AXDND1: variants seen among roughly 807,000 people sequenced by gnomAD.
AXDND1 encodes axonemal dynein light chain domain-containing protein 1.
Under a neutral mutation model 137.5 loss-of-function variants are expected in AXDND1, and 110 were observed. The ratio of observed to expected loss-of-function variants is 0.80; its 90% confidence interval spans 0.69 to 0.94. AXDND1 has a LOEUF of 0.94. AXDND1 is among the 40% of genes least tolerant of loss of function. AXDND1 has a pLI of 0.00. For missense variants in AXDND1, 1,191 were observed against 1,169.8 expected, an observed-to-expected ratio of 1.02 and a Z score of -0.26; for synonymous variants, 414 against 399.7, an observed-to-expected ratio of 1.04 and a Z score of -0.43.
chr1:179,541,484 T>TG (rs35516684), intron 25 of AXDND1, among the ~76,000 whole-genome samples: 15,539 of 151,614 alleles, frequency 0.1, 1,120 homozygotes, highest in East Asian at 0.35. Context: ...TTTTTGTTTT[T>TG]TTTTTTTTTT....
intron 16 of AXDND1, chr1:179,447,516 G>T (rs183992038): frequency 5.2e-6 from 3 of 576,512 alleles, no homozygotes; most frequent in Non-Finnish European, 8.7e-6. Flanking sequence ...TACAGTTGGC[G>T]CAGAAAATTC....
chr1:179,385,442 C>A, intron 9 of AXDND1, 83 bp downstream of exon 9: 2 of 1,476,582 alleles, frequency 1.4e-6, no homozygotes, highest in Non-Finnish European at 1.9e-6. Context: ...GAGAATGCCA[C>A]AAAAGTGCAC....
intron 21 of AXDND1, among the ~76,000 whole-genome samples, chr1:179,512,297 C>G (rs1669131757): frequency 1.3e-5 from 2 of 152,156 alleles, no homozygotes; most frequent in South Asian, 4.1e-4. Flanking sequence ...CCAATTATCC[C>G]AGCACCATTT....
chr1:179,460,397 A>G (rs1183318952), intron 16 of AXDND1, among the ~76,000 whole-genome samples: 1 of 152,202 alleles, frequency 6.6e-6, no homozygotes, highest in Non-Finnish European at 1.5e-5. Flanking sequence ...GCTGGGCTGC[A>G]TAGTATTCCA....
chr1:179,510,139 C>T (rs1357126475), intron 21 of AXDND1, among the ~76,000 whole-genome samples: 1 of 152,170 alleles, frequency 6.6e-6, no homozygotes, highest in Non-Finnish European at 1.5e-5. Context: ...TTTTCTGCCT[C>T]TTAAATGTTG....
intron 25 of AXDND1, among the ~76,000 whole-genome samples, chr1:179,539,210 A>G (rs1014768033): frequency 6.6e-6 from 1 of 152,072 alleles, no homozygotes; most frequent in Non-Finnish European, 1.5e-5. Flanking sequence ...ATATTGTTAT[A>G]TGTGAATTTG....
rs145695524 is a variant in AXDND1, at chr1:179,484,433, G to A, written c.2091+1212G>A. Among the ~76,000 whole-genome samples the A allele has an allele frequency of 1.7e-3, 265 of 152,242 alleles. 2 individuals carry two copies. Among genetic ancestry groups the A allele is most frequent in the African/African-American group, 6.3e-3 (262 of 41,548 alleles). On this transcript the variant is annotated intron_variant, in intron 18 of 25. Transcript: ENST00000367618. ...CCCTAAGACAGGGCCAGTTTCACCTGAGCACCCCCCTGTCTTGTGGACTCT... is the reference window on the plus strand; with the variant it reads ...CCCTAAGACAGGGCCAGTTTCACCTAAGCACCCCCCTGTCTTGTGGACTCT...
chr1:179,522,220 T>C (rs978910259), intron 21 of AXDND1, among the ~76,000 whole-genome samples: 1 of 152,198 alleles, frequency 6.6e-6, no homozygotes, highest in African/African-American at 2.4e-5. Flanking sequence ...TTTTTCTGGC[T>C]TACTATCCAG....
chr1:179,534,560 G>A (rs1474749937), intron 24 of AXDND1, 170 bp from the exon 25 acceptor site: 2 of 678,876 alleles, frequency 2.9e-6, no homozygotes, highest in Non-Finnish European at 4.5e-6. Context: ...AGCATTCAGA[G>A]TCGCTCCTGG....
chr1:179,427,501 TC>T (rs1459552741), intron 12 of AXDND1, among the ~76,000 whole-genome samples: 2 of 152,152 alleles, frequency 1.3e-5, no homozygotes, highest in South Asian at 2.1e-4. Context: ...GAGACAAAGT[TC>T]CTGCCCATAA....
rs543533806 is a variant in AXDND1 at position 179,454,715 on chromosome 1, A to G, written c.1798+9511A>G. On this transcript the variant is annotated intron_variant, in intron 16 of 25. Transcript: ENST00000367618. ...GGAGATTGTGTATTTAGTATTAGAC[A>G]TACTGACTTTCGAGTAGCTATGGCA... The G allele has an allele frequency of 3.9e-5, 6 of 152,342 alleles. No individual in the cohort carries two copies. The East Asian group carries it at 1.2e-3, about 29-fold the overall frequency. 9.4% of individuals were successfully genotyped at this position (152,342 alleles called of 1,614,324 possible). A position where few individuals can be genotyped will look rare whatever the true frequency, so the allele number is the denominator to read the frequency against.
At chr1:179,392,434 A>G (rs1317064046) in intron 9 of AXDND1, among the ~76,000 whole-genome samples, 1 of 152,222 alleles carries the variant, frequency 6.6e-6, no homozygotes, top group Non-Finnish European at 1.5e-5. Flanking sequence ...TACTGTAAAC[A>G]TGCATGTGCA....
intron 21 of AXDND1, 123 bp from the exon 22 acceptor site, chr1:179,525,211 C>A: frequency 2.1e-6 from 2 of 968,320 alleles, no homozygotes; most frequent in Non-Finnish European, 2.9e-6. Context: ...TTCTTATCAA[C>A]CTTTGTATCC....
chr1:179,409,676 G>A (rs1009975835), intron 11 of AXDND1, among the ~76,000 whole-genome samples: 1 of 152,120 alleles, frequency 6.6e-6, no homozygotes, highest in African/African-American at 2.4e-5. Context: ...GAGGTCAGGA[G>A]TTTGAGACCA....
chr1:179,446,569 T>G (rs1659756123), intron 16 of AXDND1, among the ~76,000 whole-genome samples: 1 of 152,212 alleles, frequency 6.6e-6, no homozygotes, highest in African/African-American at 2.4e-5. Context: ...CTGTTGCCAG[T>G]GGTCTACATA....
intron 11 of AXDND1, among the ~76,000 whole-genome samples, chr1:179,398,398 T>A (rs972616081): frequency 3.3e-5 from 5 of 152,204 alleles, no homozygotes; most frequent in African/African-American, 1.2e-4. Context: ...CACTGGTCAC[T>A]ACACTCTGTT....
intron 9 of AXDND1, among the ~76,000 whole-genome samples, chr1:179,391,267 T>A (rs370576502): frequency 5.9e-5 from 9 of 152,168 alleles, no homozygotes; most frequent in African/African-American, 2.2e-4. Context: ...TTTATTTCAA[T>A]AGTTTTTGGA....
At chr1:179,537,368 C>T (rs1450084942) in intron 25 of AXDND1, among the ~76,000 whole-genome samples, 3 of 152,142 alleles carry the variant, frequency 2.0e-5, no homozygotes, top group East Asian at 3.9e-4. Context: ...TCTTGAGATA[C>T]GTTCCATCAT....
intron 17 of AXDND1, among the ~76,000 whole-genome samples, chr1:179,480,495 C>T (rs1009322361): frequency 9.2e-5 from 14 of 152,158 alleles, no homozygotes; most frequent in African/African-American, 3.1e-4. Flanking sequence ...AGCTACAATT[C>T]AAGATGAGAT....
Sources: allele counts gnomAD v4.1 joint callset (sites outside exome capture counted in the v4.1 genomes callset), GRCh38; gene constraint gnomAD v4.1.1; transcripts MANE v1.5; gene names NCBI Gene and HGNC (gene_info 2026-07-23, HGNC 2026-07-21).